The following FRYL variants were observed in gnomAD, a reference collection of about 807,000 sequenced individuals.
FRYL encodes FRY like transcription coactivator.
Under a neutral mutation model 351.2 loss-of-function variants are expected in FRYL, and 150 were observed. The ratio of observed to expected loss-of-function variants is 0.43; its 90% CI spans 0.37 to 0.49. The LOEUF is 0.49. Among genes scored for constraint, FRYL ranks in the 20% least tolerant of loss-of-function variants. The pLI is 0.00. For missense variants in FRYL, 3,036 were observed against 3,619.3 expected, an observed-to-expected ratio of 0.84 and a Z score of 4.13; for synonymous variants, 1,153 against 1,257.1, an observed-to-expected ratio of 0.92 and a Z score of 1.75.
chr4:48,646,900 C>G (rs1756602714), intron 3 of FRYL, among the ~76,000 whole-genome samples: 1 of 152,056 alleles, frequency 6.6e-6, no homozygotes. Context: ...TCCAGGAGAA[C>G]AGCAGATGTT....
chr4:48,509,210 T>C (rs1234289448), intron 59 of FRYL, among the ~76,000 whole-genome samples: 4 of 152,060 alleles, frequency 2.6e-5, no homozygotes, highest in African/African-American at 4.8e-5. Flanking sequence ...TCGCAATACA[T>C]ACATCCAAAA....
chr4:48,617,315 G>T (rs1033156795), intron 7 of FRYL, among the ~76,000 whole-genome samples: 17 of 148,654 alleles, frequency 1.1e-4, no homozygotes, highest in Non-Finnish European at 2.4e-4. Flanking sequence ...CAGTGAATGT[G>T]AACAATGAGT....
At position 48,610,086 on chromosome 4, in the gene FRYL, T is replaced by C. The variant is rs1274375572; in HGVS notation, c.412-263A>G. Among the ~76,000 whole-genome samples the C allele has an allele frequency of 2.0e-5, 3 of 152,156 alleles. No homozygotes were observed. The East Asian group carries it at 5.8e-4, about 29-fold the overall frequency. On this transcript the variant is annotated intron_variant, in intron 7 of 63. Coordinates refer to ENST00000358350, the MANE Select transcript of FRYL (RefSeq NM_015030.2). ...GACTATGCAGTGGGAAAAGCAATAG[T>C]TGTTATTACTGCTTAATATTTACTG...
rs1401183127 is a variant in FRYL, at chr4:48,579,430, T to TC, written c.2260-190dup. On this transcript the variant is annotated intron_variant, in intron 22 of 63. Coordinates refer to ENST00000358350, the MANE Select transcript of FRYL (RefSeq NM_015030.2). ...TAAAGTTTCTGTATGTGCATACATG[T>TC]CTTTTTTTTGGAGAGGGATTCCACT... Among the ~76,000 whole-genome samples the TC allele has an allele frequency of 6.6e-5, 10 of 152,328 alleles. No individual in the cohort carries two copies. The East Asian group carries it at 1.9e-3, about 29-fold the overall frequency.
intron 4 of FRYL, among the ~76,000 whole-genome samples, chr4:48,626,351 CATT>C (rs1252574357): frequency 1.3e-5 from 2 of 151,982 alleles, no homozygotes; most frequent in East Asian, 1.9e-4. Context: ...GTAACAAAAA[CATT>C]ATCTGAATGT....
At position 48,551,474 on chromosome 4, in the gene FRYL, C is replaced by T. The variant is rs2148992262; in HGVS notation, c.4520+20G>A. 1 of 1,440,970 alleles carries T rather than the reference C, an allele frequency of 6.9e-7. No homozygotes were observed. The highest frequency in any genetic ancestry group is 1.7e-5 in the Admixed American group (1 of 57,372). 89.3% of individuals were successfully genotyped at this position (1,440,970 alleles called of 1,614,324 possible). A position where few individuals can be genotyped will look rare whatever the true frequency, so the allele number is the denominator to read the frequency against. ...TATCTGTCAAACTGAAAGGCTAATA[C>T]AGAACAGAGAAGTACTTACCTCTCT... On this transcript the variant is annotated intron_variant, in intron 37 of 63. Transcript: ENST00000358350.
chr4:48,568,815 A>G (rs946139716), intron 27 of FRYL, among the ~76,000 whole-genome samples: 9 of 152,182 alleles, frequency 5.9e-5, no homozygotes, highest in Admixed American at 3.9e-4. Context: ...TGGATAGGAA[A>G]CTGATTTAGT....
intron 58 of FRYL, 30 bp from the exon 59 acceptor site, chr4:48,510,187 A>G: frequency 6.7e-7 from 1 of 1,493,520 alleles, no homozygotes; most frequent in Non-Finnish European, 9.3e-7. Context: ...GATCCAGGTT[A>G]CCATTTCTGA....
chr4:48,528,313 A>G lies in FRYL; in HGVS notation c.6927T>C (p.Tyr2309=), dbSNP rs201884573. ...ISETPIIGNK[Y]GDQHSAAGRN... ...TTCCAGCCGCACTGTGCTGATCACC[A>G]TATTTGTTTCCAATAATTGGTGTCT... is the stretch of plus-strand genomic sequence containing the variant. Residue 2309 remains tyrosine (Y), a synonymous_variant, in exon 51 of 64, where the codon TAT becomes TAC. Coordinates refer to ENST00000358350, the MANE Select transcript of FRYL (RefSeq NM_015030.2). 4.9e-4 allele frequency: 791 copies of G among 1,609,270 alleles called. 6 individuals carry two copies. The African/African-American group carries it at 8.7e-3, about 18-fold the overall frequency.
chr4:48,676,701 T>G (rs1215079709), intron 3 of FRYL, among the ~76,000 whole-genome samples: 1 of 152,200 alleles, frequency 6.6e-6, no homozygotes, highest in African/African-American at 2.4e-5. Flanking sequence ...AAGTTTCAAT[T>G]TCTTTAAAGT....
intron 2 of FRYL, among the ~76,000 whole-genome samples, chr4:48,698,024 G>C (rs1766366278): frequency 6.6e-6 from 1 of 152,170 alleles, no homozygotes; most frequent in Non-Finnish European, 1.5e-5. Context: ...CTAAGCTCCA[G>C]GAATCTATAC....
chr4:48,592,582 T>C (rs1560675437), intron 16 of FRYL, among the ~76,000 whole-genome samples: 1 of 152,158 alleles, frequency 6.6e-6, no homozygotes. Flanking sequence ...TTTCTTAAAA[T>C]GGATGTTCAA....
intron 48 of FRYL, among the ~76,000 whole-genome samples, chr4:48,534,906 C>A (rs1728529466): frequency 6.6e-6 from 1 of 152,120 alleles, no homozygotes. Context: ...TCATCTAAAT[C>A]ATGGTGTTTT....
At position 48,564,007 on chromosome 4, in the gene FRYL, C is replaced by G. The variant is rs137912004; in HGVS notation, c.3537G>C (p.Thr1179=). 1.2e-6 allele frequency: 2 copies of G among 1,614,024 alleles called. No individual in the cohort carries two copies. The highest frequency in any genetic ancestry group is 1.7e-6 in the Non-Finnish European group (2 of 1,180,018). ...LMYWAVDRCY[T]GSGRVAAGCF... is the part of the protein sequence containing the mutation. Reference sequence around the variant, plus strand: ...AGCCGGCCGCCACCCTCCCGGAGCCCGTGTAGCAGCGGTCCACAGCCCAGT... The same window carrying G: ...AGCCGGCCGCCACCCTCCCGGAGCCGGTGTAGCAGCGGTCCACAGCCCAGT... Residue 1179 remains threonine, a synonymous_variant, in exon 31 of 64, where the codon ACG becomes ACC. Transcript: ENST00000358350.
At chr4:48,720,130 CAAAG>C (rs1404605648) in intron 1 of FRYL, among the ~76,000 whole-genome samples, 2 of 132,578 alleles carry the variant, frequency 1.5e-5, no homozygotes, top group African/African-American at 5.8e-5. Context: ...AGCCTGGTGA[CAAAG>C]AGAGACTCCA....
chr4:48,606,715 C>T lies in FRYL; in HGVS notation c.573-109G>A, dbSNP rs1746920088. 4.0e-6 allele frequency: 3 copies of T among 756,136 alleles called. No individual in the cohort carries two copies. The African/African-American group carries it at 5.2e-5, about 13-fold the overall frequency. The allele number at this position is 756,136 out of a possible 1,614,324, so 46.8% of individuals were successfully genotyped here. ...ATGCTACCTAAATATCATCTCCTTT[C>T]TCTACCTTCATTACAATTGCCAGAA... On this transcript the variant is annotated intron_variant, in intron 9 of 63. Transcript: ENST00000358350.
At chr4:48,635,592 G>A (rs1754057985) in intron 3 of FRYL, among the ~76,000 whole-genome samples, 1 of 152,186 alleles carries the variant, frequency 6.6e-6, no homozygotes. Flanking sequence ...ACACACCACT[G>A]CATGCTGTGC....
At chr4:48,710,407 G>A in intron 2 of FRYL, 112 bp downstream of exon 2, 1 of 367,552 alleles carries the variant, frequency 2.7e-6, no homozygotes. Flanking sequence ...AAAATCTGAT[G>A]TTTTTGCCAC....
At chr4:48,691,924 G>A (rs1268036242) in intron 2 of FRYL, among the ~76,000 whole-genome samples, 4 of 152,118 alleles carry the variant, frequency 2.6e-5, no homozygotes, top group African/African-American at 9.6e-5. Context: ...TGAGCATTAA[G>A]TTCAATTCCT....
Sources: allele counts gnomAD v4.1 joint callset (sites outside exome capture counted in the v4.1 genomes callset), GRCh38; gene constraint gnomAD v4.1.1; transcripts MANE v1.5; gene names NCBI Gene and HGNC (gene_info 2026-07-23, HGNC 2026-07-21).